ITFG1: variants seen among roughly 807,000 people sequenced by gnomAD.
ITFG1 encodes the protein T-cell immunomodulatory protein.
A neutral mutation model predicts 81.8 loss-of-function variants in ITFG1; 34 were observed. The observed-to-expected ratio is 0.42, with a 90% CI of 0.32 to 0.55. ITFG1 has a LOEUF of 0.55. Ranked by LOEUF, ITFG1 falls within the 20% of genes least tolerant of loss-of-function variation. The pLI, the probability that ITFG1 is intolerant of heterozygous loss-of-function variation, is 0.17. For missense variants in ITFG1, 672 were observed against 755.4 expected, an observed-to-expected ratio of 0.89 and a Z score of 1.29; for synonymous variants, 285 against 270.6, an observed-to-expected ratio of 1.05 and a Z score of -0.52.
chr16:47,260,673 C>T lies in ITFG1; in HGVS notation c.1093G>A (p.Glu365Lys), dbSNP rs1381685166. 1.2e-6 allele frequency: 2 copies of T among 1,614,062 alleles called. No homozygotes were observed. Among genetic ancestry groups the T allele is most frequent in the Non-Finnish European group, 1.7e-6 (2 of 1,180,048 alleles). The change falls in exon 11 of 18, where the codon GAG becomes AAG. Residue 365 changes from glutamate to lysine, a missense_variant. Transcript: ENST00000320640. ...CTTGCATTATTACAAGGGACGTTCTCCAGTAAAAAGGCCTGCTGGTTGCTG... is the reference window on the plus strand; with the variant it reads ...CTTGCATTATTACAAGGGACGTTCTTCAGTAAAAAGGCCTGCTGGTTGCTG... ...SGSNQQAFLL[E>K]NVPCNNASCE...
At chr16:47,189,791 C>T (rs559049812) in intron 14 of ITFG1, among the ~76,000 whole-genome samples, 1 of 152,260 alleles carries the variant, frequency 6.6e-6, no homozygotes, top group South Asian at 2.1e-4. Context: ...ATTTTGTTAA[C>T]TGCTTTTCTA....
At chr16:47,214,948 A>G (rs1430563006) in intron 14 of ITFG1, among the ~76,000 whole-genome samples, 5 of 152,076 alleles carry the variant, frequency 3.3e-5, no homozygotes, top group Middle Eastern at 3.4e-3. Context: ...ACACACACAC[A>G]CACACACACA....
chr16:47,156,200 G>A (rs1222606718), intron 17 of ITFG1, among the ~76,000 whole-genome samples: 1 of 152,100 alleles, frequency 6.6e-6, no homozygotes, highest in African/African-American at 2.4e-5. Flanking sequence ...ATTTTGGGAG[G>A]CCAAGGAGGG....
intron 14 of ITFG1, among the ~76,000 whole-genome samples, chr16:47,212,108 C>G (rs1965570404): frequency 6.6e-6 from 1 of 151,942 alleles, no homozygotes; most frequent in African/African-American, 2.4e-5. Context: ...TATCTGTCTA[C>G]AGGGATTTTG....
At chr16:47,221,791 G>C (rs868163908) in intron 13 of ITFG1, among the ~76,000 whole-genome samples, 6 of 152,114 alleles carry the variant, frequency 3.9e-5, no homozygotes, top group African/African-American at 1.2e-4. Flanking sequence ...AGAGATTCAA[G>C]TTCTTCCTGG....
chr16:47,208,938 AG>A (rs1274109453), intron 14 of ITFG1, among the ~76,000 whole-genome samples: 1 of 152,212 alleles, frequency 6.6e-6, no homozygotes, highest in Non-Finnish European at 1.5e-5. Context: ...GAGAGACAAG[AG>A]AGATTTAAAA....
intron 2 of ITFG1, among the ~76,000 whole-genome samples, chr16:47,457,313 GAA>G (rs996556509): frequency 2.7e-5 from 3 of 113,034 alleles, no homozygotes; most frequent in African/African-American, 3.3e-5. Flanking sequence ...TCTGTCTCAA[GAA>G]AAAAAAAAAA....
intron 14 of ITFG1, among the ~76,000 whole-genome samples, chr16:47,168,218 G>T (rs2151509024): frequency 6.6e-6 from 1 of 152,192 alleles, no homozygotes; most frequent in East Asian, 1.9e-4. Flanking sequence ...TGGCTACTTT[G>T]GAATTCTTTG....
chr16:47,216,365 T>C (rs941112614), intron 14 of ITFG1, among the ~76,000 whole-genome samples: 4 of 151,932 alleles, frequency 2.6e-5, no homozygotes, highest in African/African-American at 9.7e-5. Flanking sequence ...GGCTAATTTC[T>C]TTTTTTTGCA....
chr16:47,253,510 T>A (rs1029503414), intron 12 of ITFG1, among the ~76,000 whole-genome samples: 1 of 152,168 alleles, frequency 6.6e-6, no homozygotes, highest in African/African-American at 2.4e-5. Context: ...TCTGTTATTA[T>A]GATTATAAGT....
intron 14 of ITFG1, among the ~76,000 whole-genome samples, chr16:47,181,287 G>A (rs1965110181): frequency 6.7e-6 from 1 of 148,962 alleles, no homozygotes; most frequent in Admixed American, 6.6e-5. Flanking sequence ...GGGAAGTGAG[G>A]AGCGTCTCTG....
At chr16:47,435,890 T>C (rs940733978) in intron 5 of ITFG1, among the ~76,000 whole-genome samples, 3 of 152,120 alleles carry the variant, frequency 2.0e-5, no homozygotes, top group African/African-American at 7.2e-5. Context: ...ATAGGTAATA[T>C]TTGAATCTAT....
chr16:47,315,136 G>T (rs1967332836), intron 8 of ITFG1, among the ~76,000 whole-genome samples: 2 of 152,010 alleles, frequency 1.3e-5, no homozygotes, highest in South Asian at 4.2e-4. Flanking sequence ...CCTTAGAGGA[G>T]TGCAACATTA....
chr16:47,398,304 G>T (rs986859117), intron 6 of ITFG1, among the ~76,000 whole-genome samples: 46 of 152,180 alleles, frequency 3.0e-4, no homozygotes, highest in Non-Finnish European at 2.5e-4. Context: ...AAAAAAAAAG[G>T]CCTGAATCAA....
At chr16:47,357,472 G>A (rs183746168) in intron 8 of ITFG1, among the ~76,000 whole-genome samples, 18 of 151,922 alleles carry the variant, frequency 1.2e-4, no homozygotes, top group Admixed American at 7.2e-4. Context: ...ACAATTAGCC[G>A]GGCGTGGTGG....
chr16:47,263,463 C>T, intron 10 of ITFG1: 1 of 384,580 alleles, frequency 2.6e-6, no homozygotes, highest in African/African-American at 2.1e-5. Flanking sequence ...AGTGACAATG[C>T]AGTTGATCTT....
At chr16:47,180,239 G>A (rs1265102278) in intron 14 of ITFG1, among the ~76,000 whole-genome samples, 1 of 152,188 alleles carries the variant, frequency 6.6e-6, no homozygotes, top group Non-Finnish European at 1.5e-5. Flanking sequence ...CCATGTCAGT[G>A]ATTACGTGGA....
chr16:47,352,215 A>C (rs921474560), intron 8 of ITFG1, among the ~76,000 whole-genome samples: 17 of 152,226 alleles, frequency 1.1e-4, no homozygotes, highest in African/African-American at 3.4e-4. Context: ...AATGGGATGT[A>C]ATTAAACTAA....
At chr16:47,458,211 G>C (rs573287161) in intron 2 of ITFG1, among the ~76,000 whole-genome samples, 2 of 152,118 alleles carry the variant, frequency 1.3e-5, no homozygotes, top group African/African-American at 4.8e-5. Context: ...GTATCTGAAG[G>C]CTCCCAGTCT....
Sources: gnomAD v4.1 joint callset for allele counts (sites outside exome capture counted in the v4.1 genomes callset) on GRCh38, gnomAD v4.1.1 for gene constraint, MANE v1.5 for transcripts, NCBI Gene and HGNC (gene_info 2026-07-23, HGNC 2026-07-21) for gene names.